The following HMG20A variants were observed in gnomAD, a reference collection of about 807,000 sequenced individuals.
HMG20A encodes high mobility group 20A.
HMG20A carries 17 observed loss-of-function variants against 43.9 expected under a neutral mutation model. The observed-to-expected ratio is 0.39, with a 90% CI of 0.27 to 0.58. The LOEUF (loss-of-function observed/expected upper bound fraction) is 0.58, where lower values mean the gene tolerates loss of function less well. Ranked by LOEUF, HMG20A falls within the 20% of genes least tolerant of loss-of-function variation. HMG20A has a pLI of 0.59. For missense variants in HMG20A, 341 were observed against 438.2 expected (o/e 0.78, Z 1.98); for synonymous variants, 132 against 147.5 (o/e 0.89, Z 0.76).
chr15:77,517,653 C>G, the HMG20A span, among the ~76,000 whole-genome samples: 4 of 151,770 alleles, frequency 2.6e-5, no homozygotes, highest in Non-Finnish European at 4.4e-5. Context: ...CAATTCTGTA[C>G]CTTTAGCCAG....
At chr15:77,479,822 T>G (rs1429944071) in intron 9 of HMG20A, among the ~76,000 whole-genome samples, 1 of 152,192 alleles carries the variant, frequency 6.6e-6, no homozygotes, top group Non-Finnish European at 1.5e-5. Context: ...CTTCCTTTTC[T>G]CTGGAAAATA....
the HMG20A span, among the ~76,000 whole-genome samples, chr15:77,502,594 A>G: frequency 6.6e-6 from 1 of 152,218 alleles, no homozygotes; most frequent in African/African-American, 2.4e-5. Context: ...TGGGAGCCAC[A>G]TGACGACAGA....
chr15:77,443,774 T>A (rs769486220), intron 1 of HMG20A, among the ~76,000 whole-genome samples: 2 of 152,094 alleles, frequency 1.3e-5, no homozygotes, highest in Non-Finnish European at 2.9e-5. Context: ...GGCACGATAA[T>A]GGCTCACTGC....
chr15:77,506,051 C>A, the HMG20A span, among the ~76,000 whole-genome samples: 7 of 149,490 alleles, frequency 4.7e-5, no homozygotes, highest in South Asian at 2.1e-4. Context: ...TCTACCCCCC[C>A]ACCTAGGGTT....
At chr15:77,476,468 G>C (rs2072856376) in intron 6 of HMG20A, among the ~76,000 whole-genome samples, 1 of 119,890 alleles carries the variant, frequency 8.3e-6, no homozygotes, top group Non-Finnish European at 1.6e-5. Context: ...CTGGGCAACA[G>C]AGAGGGACTC....
intron 1 of HMG20A, among the ~76,000 whole-genome samples, chr15:77,455,565 A>AT (rs1037852242): frequency 3.2e-4 from 49 of 152,190 alleles, no homozygotes; most frequent in African/African-American, 1.2e-3. Context: ...CCTTCACTGG[A>AT]TAAGTCCCCT....
chr15:77,489,742 G>A (rs2072963150), downstream of HMG20A, among the ~76,000 whole-genome samples: 6 of 152,338 alleles, frequency 3.9e-5, no homozygotes, highest in South Asian at 1.2e-3. Context: ...GAAGGGCTGA[G>A]GGTATACAAA....
rs1401087274 is a variant in HMG20A at position 77,479,219 on chromosome 15, T to C, written c.948T>C (p.Tyr316=). The C allele has an allele frequency of 1.5e-5, 24 of 1,613,882 alleles. 1 individual carries two copies. Among genetic ancestry groups the C allele is most frequent in the East Asian group, 6.7e-5 (3 of 44,870 alleles). Residue 316 remains tyrosine, a synonymous_variant, in exon 9 of 10, where the codon TAT becomes TAC. Coordinates refer to ENST00000336216, the MANE Select transcript of HMG20A (RefSeq NM_001304504.2). ...CTACAGTGGACACCATTGACTCATATATGAACAGACTGCACAGTATTATTT... is the reference window on the plus strand; with the variant it reads ...CTACAGTGGACACCATTGACTCATACATGAACAGACTGCACAGTATTATTT... ...ETPTVDTIDS[Y]MNRLHSIILA... is the part of the protein sequence containing the mutation.
chr15:77,495,012 T>G, the HMG20A span, among the ~76,000 whole-genome samples: 1 of 152,200 alleles, frequency 6.6e-6, no homozygotes, highest in Non-Finnish European at 1.5e-5. Flanking sequence ...TTGAAAGTGG[T>G]GACCTTCAGC....
chr15:77,421,065 A>T, intron 1 of HMG20A, 61 bp downstream of exon 1: 1 of 396,854 alleles, frequency 2.5e-6, no homozygotes, highest in Non-Finnish European at 4.4e-6. Context: ...CCCCTTGAAG[A>T]TCACCCCTCT....
chr15:77,438,137 A>AT (rs34192592), intron 1 of HMG20A, among the ~76,000 whole-genome samples: 4,350 of 113,426 alleles, frequency 0.038, 179 homozygotes, highest in African/African-American at 0.09. Flanking sequence ...TTTAGTTTTA[A>AT]TTTTTTTTTT....
At chr15:77,454,181 CAA>C (rs1447906431) in intron 1 of HMG20A, among the ~76,000 whole-genome samples, 1,633 of 139,460 alleles carry the variant, frequency 0.012, 37 homozygotes, top group African/African-American at 0.041. Context: ...AAAAAAAAAA[CAA>C]AGTAGATTAG....
intron 7 of HMG20A, 183 bp from the exon 8 acceptor site, chr15:77,478,112 G>A: frequency 3.3e-6 from 2 of 610,366 alleles, no homozygotes; most frequent in Non-Finnish European, 2.9e-6. Context: ...AATTAAAATA[G>A]CTCTGGGGAG....
intron 7 of HMG20A, 141 bp downstream of exon 7, chr15:77,477,771 ATTG>A: frequency 1.6e-6 from 1 of 606,634 alleles, no homozygotes; most frequent in South Asian, 2.2e-5. Context: ...AAGCTAGGGC[ATTG>A]TTGTCAAAGC....
At chr15:77,443,964 G>A (rs774003329) in intron 1 of HMG20A, among the ~76,000 whole-genome samples, 1 of 152,146 alleles carries the variant, frequency 6.6e-6, no homozygotes, top group Non-Finnish European at 1.5e-5. Context: ...ACCTGCCTCA[G>A]CCTCCCAAAG....
chr15:77,495,134 CT>C, the HMG20A span, among the ~76,000 whole-genome samples: 1 of 152,182 alleles, frequency 6.6e-6, no homozygotes, highest in Non-Finnish European at 1.5e-5. Context: ...GCAGGCAAAC[CT>C]TAAATCTTCT....
At chr15:77,461,916 G>C (rs2072708651) in intron 2 of HMG20A, among the ~76,000 whole-genome samples, 1 of 152,124 alleles carries the variant, frequency 6.6e-6, no homozygotes, top group Non-Finnish European at 1.5e-5. Context: ...AGATCAAACT[G>C]GATCTCGATG....
chr15:77,462,848 C>G (rs2072718018), intron 2 of HMG20A, among the ~76,000 whole-genome samples: 1 of 148,360 alleles, frequency 6.7e-6, no homozygotes, highest in Non-Finnish European at 1.5e-5. Flanking sequence ...TCTTAGTTCA[C>G]TGCAACCTCC....
At chr15:77,429,623 C>G (rs1271517052) in intron 1 of HMG20A, among the ~76,000 whole-genome samples, 2 of 152,120 alleles carry the variant, frequency 1.3e-5, no homozygotes, top group Admixed American at 6.5e-5. Flanking sequence ...TGAGAAAATA[C>G]TTTAAATAAG....
Sources: gnomAD v4.1 joint callset for allele counts (sites outside exome capture counted in the v4.1 genomes callset) on GRCh38, gnomAD v4.1.1 for gene constraint, MANE v1.5 for transcripts, NCBI Gene and HGNC (gene_info 2026-07-23, HGNC 2026-07-21) for gene names.